The following UBASH3B variants were observed in gnomAD, a reference collection of about 807,000 sequenced individuals.
The protein encoded by UBASH3B is ubiquitin associated and SH3 domain containing B, also known as ubiquitin-associated and SH3 domain-containing protein B.
UBASH3B carries 37 observed loss-of-function variants against 83.4 expected under a neutral mutation model. The ratio of observed to expected loss-of-function variants is 0.44; its 90% CI spans 0.34 to 0.58. The LOEUF (loss-of-function observed/expected upper bound fraction) is 0.58, where lower values mean the gene tolerates loss of function less well. Ranked by LOEUF, UBASH3B falls within the 20% of genes least tolerant of loss-of-function variation. The pLI, the probability that UBASH3B is intolerant of heterozygous loss-of-function variation, is 0.01. For synonymous variants in UBASH3B, 304 were observed against 318.3 expected, an observed-to-expected ratio of 0.96 and a Z score of 0.48; for missense variants, 657 against 827.2, an observed-to-expected ratio of 0.79 and a Z score of 2.52.
rs534508801 is a variant in UBASH3B, at chr11:122,716,081, G to C, written c.161+59871G>C. Among the ~76,000 whole-genome samples the C allele has an allele frequency of 1.2e-4, 19 of 152,380 alleles. No homozygotes were observed. The East Asian group carries it at 3.7e-3, about 29-fold the overall frequency. ...CGAGGAGGTGGAATTTCCTGATCGT[G>C]ATGCAGTGTCCCTCTGTGGGGGCAG... On this transcript the variant is annotated intron_variant, in intron 1 of 13. Coordinates refer to ENST00000284273, the MANE Select transcript of UBASH3B (RefSeq NM_032873.5).
chr11:122,770,889 A>G (rs1860630371), intron 1 of UBASH3B, among the ~76,000 whole-genome samples: 1 of 152,154 alleles, frequency 6.6e-6, no homozygotes, highest in Non-Finnish European at 1.5e-5. Flanking sequence ...ACCTATTGTC[A>G]AGGCCTTCTA....
At chr11:122,677,768 T>C (rs1863686946) in intron 1 of UBASH3B, among the ~76,000 whole-genome samples, 1 of 151,474 alleles carries the variant, frequency 6.6e-6, no homozygotes, top group Admixed American at 6.6e-5. Flanking sequence ...AAAAAGGCTC[T>C]TATAAGGGTA....
intron 1 of UBASH3B, among the ~76,000 whole-genome samples, chr11:122,684,746 C>T (rs1399913713): frequency 6.6e-6 from 1 of 152,068 alleles, no homozygotes; most frequent in Admixed American, 6.6e-5. Flanking sequence ...TACAGGCATG[C>T]ACCACCACGC....
intron 1 of UBASH3B, among the ~76,000 whole-genome samples, chr11:122,743,212 ATCTC>A (rs145777140): frequency 8.0e-5 from 12 of 149,916 alleles, no homozygotes; most frequent in African/African-American, 1.5e-4. Flanking sequence ...AAGTGACTTA[ATCTC>A]TCTCTCTCTC....
At chr11:122,749,308 T>A (rs961372378) in intron 1 of UBASH3B, among the ~76,000 whole-genome samples, 2 of 152,268 alleles carry the variant, frequency 1.3e-5, no homozygotes, top group Non-Finnish European at 2.9e-5. Context: ...CGAAACTGCT[T>A]CTATGGATGC....
At position 122,720,150 on chromosome 11, in the gene UBASH3B, A is replaced by T. The variant is rs7945663; in HGVS notation, c.162-56069A>T. ...CATCCCCCACCCAGTCCTCTCTCCCATTTTCCAGACTCCGTACTCAGCATC... is the reference window on the plus strand; with the variant it reads ...CATCCCCCACCCAGTCCTCTCTCCCTTTTTCCAGACTCCGTACTCAGCATC... On this transcript the variant is annotated intron_variant, in intron 1 of 13. Transcript: ENST00000284273. Among the ~76,000 whole-genome samples, 1,043 of 151,970 alleles carry T rather than the reference A, an allele frequency of 6.9e-3. 11 individuals carry two copies. Among genetic ancestry groups the T allele is most frequent in the African/African-American group, 0.02 (820 of 41,430 alleles).
intron 5 of UBASH3B, among the ~76,000 whole-genome samples, chr11:122,786,599 G>C (rs1001020918): frequency 6.6e-6 from 1 of 152,158 alleles, no homozygotes; most frequent in African/African-American, 2.4e-5. Context: ...AGAGGTTGCA[G>C]TGAGCCAAGA....
intron 10 of UBASH3B, 139 bp from the exon 11 acceptor site, chr11:122,801,049 T>A: frequency 9.4e-7 from 1 of 1,058,964 alleles, no homozygotes; most frequent in Non-Finnish European, 1.3e-6. Flanking sequence ...CTTGTCCAAA[T>A]CCACATGCTT....
At chr11:122,668,679 T>G (rs1863552494) in intron 1 of UBASH3B, among the ~76,000 whole-genome samples, 1 of 152,242 alleles carries the variant, frequency 6.6e-6, no homozygotes, top group Admixed American at 6.5e-5. Context: ...GATGTGGTTT[T>G]GAACGTTATT....
chr11:122,723,196 C>T (rs571095532), intron 1 of UBASH3B, among the ~76,000 whole-genome samples: 1 of 152,282 alleles, frequency 6.6e-6, no homozygotes, highest in East Asian at 1.9e-4. Flanking sequence ...AATCCTTTGT[C>T]ATTTCTGACA....
At chr11:122,740,791 C>T (rs1565547873) in intron 1 of UBASH3B, among the ~76,000 whole-genome samples, 1 of 152,130 alleles carries the variant, frequency 6.6e-6, no homozygotes, top group African/African-American at 2.4e-5. Context: ...TACTGAACAC[C>T]AAGATAGAGG....
intron 1 of UBASH3B, among the ~76,000 whole-genome samples, chr11:122,689,359 A>C (rs1310693313): frequency 3.3e-5 from 5 of 152,142 alleles, no homozygotes; most frequent in Non-Finnish European, 5.9e-5. Flanking sequence ...CTATTTAATC[A>C]GTTCCCTATT....
intron 6 of UBASH3B, 37 bp downstream of exon 6, chr11:122,789,345 A>ATGT (rs1861012136): frequency 1.2e-6 from 2 of 1,609,800 alleles, no homozygotes; most frequent in Non-Finnish European, 1.7e-6. Flanking sequence ...CATTTGAAGA[A>ATGT]TGTTGCTAAG....
rs952650714 is a variant in UBASH3B at position 122,810,209 on chromosome 11, A to T, written c.*323A>T. ...AGCTAAGGGGCCTCATTTCTCCCAG[A>T]GGGAGCTGCTGGCCCGCTCTAAGGG... On this transcript the variant is annotated 3_prime_UTR_variant, in exon 14 of 14. Coordinates refer to ENST00000284273, the MANE Select transcript of UBASH3B (RefSeq NM_032873.5). The T allele has an allele frequency of 4.2e-5, 9 of 216,374 alleles. No individual in the cohort carries two copies. Among genetic ancestry groups the T allele is most frequent in the Non-Finnish European group, 7.3e-5 (8 of 108,906 alleles). The allele number at this position is 216,374 out of a possible 1,614,324, so 13.4% of individuals were successfully genotyped here.
chr11:122,796,322 C>T (rs780885622), intron 8 of UBASH3B, 46 bp downstream of exon 8: 3 of 1,602,300 alleles, frequency 1.9e-6, no homozygotes, highest in Non-Finnish European at 2.6e-6. Context: ...CCCATAGTGG[C>T]CTCTAGGCGG....
chr11:122,727,232 C>T (rs1013164520), intron 1 of UBASH3B, among the ~76,000 whole-genome samples: 7 of 152,190 alleles, frequency 4.6e-5, no homozygotes, highest in Non-Finnish European at 8.8e-5. Flanking sequence ...TTTCGTTTTT[C>T]TTTTTTCTTC....
chr11:122,688,986 G>GA (rs1565529733), intron 1 of UBASH3B, among the ~76,000 whole-genome samples: 3 of 146,882 alleles, frequency 2.0e-5, no homozygotes, highest in Non-Finnish European at 3.0e-5. Flanking sequence ...GGCGGGGGGG[G>GA]GGGGGGTTCC....
chr11:122,720,708 C>T (rs987225096), intron 1 of UBASH3B, among the ~76,000 whole-genome samples: 3 of 152,152 alleles, frequency 2.0e-5, no homozygotes, highest in South Asian at 2.1e-4. Context: ...TCCAGGAAGG[C>T]TCTTCACACA....
intron 1 of UBASH3B, among the ~76,000 whole-genome samples, chr11:122,677,204 G>A (rs36072322): frequency 0.014 from 2,150 of 152,300 alleles, 19 homozygotes; most frequent in Middle Eastern, 0.034. Context: ...ACCCAGAGAT[G>A]ATTTAAAGTA....
Sources: gnomAD v4.1 joint callset for allele counts (sites outside exome capture counted in the v4.1 genomes callset) on GRCh38, gnomAD v4.1.1 for gene constraint, MANE v1.5 for transcripts, NCBI Gene and HGNC (gene_info 2026-07-23, HGNC 2026-07-21) for gene names.